INSL6: variants seen among roughly 807,000 people sequenced by gnomAD.
INSL6 encodes insulin like 6.
In INSL6, 16 loss-of-function variants were observed where a neutral mutation model predicts 9.4. That is an observed-to-expected ratio of 1.70 (90% confidence interval 1.15 to 2.59). INSL6 has a LOEUF of 2.59. INSL6 is among the 30% of genes most tolerant of loss of function. INSL6 has a pLI of 0.00. For missense variants in INSL6, 391 were observed against 257.3 expected, an observed-to-expected ratio of 1.52 and a Z score of -3.56; for synonymous variants, 154 against 96.9, an observed-to-expected ratio of 1.59 and a Z score of -3.46.
the INSL6 span, among the ~76,000 whole-genome samples, chr9:5,000,072 G>A: frequency 1.3e-5 from 2 of 151,788 alleles, no homozygotes; most frequent in African/African-American, 4.8e-5. Flanking sequence ...TTTGTGAAAT[G>A]CCTATTTATG....
intron 2 of INSL6, among the ~76,000 whole-genome samples, chr9:5,143,274 C>T (rs1462332293): frequency 1.3e-5 from 2 of 151,556 alleles, no homozygotes; most frequent in African/African-American, 4.9e-5. Context: ...ATGGTACCAG[C>T]TCTTCTTTAT....
At chr9:5,060,108 TG>T in the INSL6 span, among the ~76,000 whole-genome samples, 1 of 152,228 alleles carries the variant, frequency 6.6e-6, no homozygotes, top group East Asian at 1.9e-4. Context: ...CTACTAAGTG[TG>T]CAACAGCATT....
At chr9:5,099,868 G>C in the INSL6 span, 1 of 152,146 alleles carries the variant, frequency 6.6e-6, no homozygotes, top group Non-Finnish European at 1.5e-5. Flanking sequence ...CCTGGGTATA[G>C]CAATCCCCCT....
the INSL6 span, among the ~76,000 whole-genome samples, chr9:5,084,381 A>G: frequency 6.6e-6 from 1 of 152,176 alleles, no homozygotes; most frequent in Non-Finnish European, 1.5e-5. Context: ...CCATTCCTAC[A>G]AAAATGATTG....
chr9:5,172,305 T>C (rs1281969156), intron 1 of INSL6, among the ~76,000 whole-genome samples: 1 of 152,042 alleles, frequency 6.6e-6, no homozygotes, highest in East Asian at 1.9e-4. Context: ...TATAGAAAAA[T>C]TAACTCAAGC....
At chr9:5,091,424 G>T in the INSL6 span, 4 of 152,392 alleles carry the variant, frequency 2.6e-5, no homozygotes, top group African/African-American at 9.7e-5. Context: ...GAATATGATG[G>T]GGTGGTGATC....
the INSL6 span, among the ~76,000 whole-genome samples, chr9:5,083,135 T>C: frequency 6.6e-6 from 1 of 152,202 alleles, no homozygotes; most frequent in Non-Finnish European, 1.5e-5. Context: ...TGTTAAGTGA[T>C]TCAGTGAAAT....
chr9:5,064,783 G>A, the INSL6 span: 1 of 831,172 alleles, frequency 1.2e-6, no homozygotes, highest in Non-Finnish European at 1.8e-6. Context: ...GAGCAATTTA[G>A]AAGAAAATTG....
chr9:5,055,925 A>G, the INSL6 span: 1 of 720,580 alleles, frequency 1.4e-6, no homozygotes, highest in Non-Finnish European at 2.2e-6. Context: ...ACATCAGTTC[A>G]GTAAACTTTT....
the INSL6 span, among the ~76,000 whole-genome samples, chr9:5,024,950 G>A: frequency 1.3e-5 from 2 of 152,164 alleles, no homozygotes; most frequent in Admixed American, 6.5e-5. Context: ...GCTTAACTAG[G>A]GGGAGTGGAG....
chr9:5,039,246 A>G, the INSL6 span, among the ~76,000 whole-genome samples: 1 of 152,146 alleles, frequency 6.6e-6, no homozygotes, highest in Non-Finnish European at 1.5e-5. Flanking sequence ...CATGGGTTTC[A>G]CATCCATGGA....
the INSL6 span, among the ~76,000 whole-genome samples, chr9:4,998,959 C>CTACAGGT: frequency 6.6e-6 from 1 of 150,908 alleles, no homozygotes; most frequent in African/African-American, 2.4e-5. Flanking sequence ...GTAGCTGGGA[C>CTACAGGT]TACAGGTGCC....
At chr9:5,152,795 C>T (rs190287562) in intron 2 of INSL6, among the ~76,000 whole-genome samples, 2 of 152,310 alleles carry the variant, frequency 1.3e-5, no homozygotes, top group East Asian at 1.9e-4. Flanking sequence ...TCGGCAGCTA[C>T]CAGCAAGATC....
At chr9:5,073,317 C>G in the INSL6 span, among the ~76,000 whole-genome samples, 2 of 152,288 alleles carry the variant, frequency 1.3e-5, no homozygotes, top group East Asian at 3.9e-4. Flanking sequence ...ATTCTTAATT[C>G]TTTAGCAAGT....
the INSL6 span, among the ~76,000 whole-genome samples, chr9:4,997,910 G>A: frequency 4.0e-5 from 6 of 151,802 alleles, no homozygotes; most frequent in East Asian, 3.9e-4. Flanking sequence ...TTTATCCATA[G>A]GTGCTTAATT....
the INSL6 span, among the ~76,000 whole-genome samples, chr9:5,052,983 A>AT: frequency 1.3e-5 from 2 of 151,688 alleles, no homozygotes; most frequent in African/African-American, 4.8e-5. Context: ...TTGTGGATGT[A>AT]TTTTTTTCAT....
chr9:5,058,626 C>T, the INSL6 span, among the ~76,000 whole-genome samples: 1 of 152,142 alleles, frequency 6.6e-6, no homozygotes, highest in Non-Finnish European at 1.5e-5. Flanking sequence ...TAGGGAGCCA[C>T]CATGCTGTTT....
the INSL6 span, chr9:5,041,445 G>C: frequency 4.9e-6 from 3 of 616,466 alleles, no homozygotes; most frequent in Non-Finnish European, 9.3e-6. Context: ...CTGTGCAGCA[G>C]CCTCCCCTGG....
chr9:5,052,031 T>C, the INSL6 span, among the ~76,000 whole-genome samples: 1 of 152,094 alleles, frequency 6.6e-6, no homozygotes, highest in African/African-American at 2.4e-5. Flanking sequence ...TGCCAGGCTA[T>C]AGTAGAACAT....
Sources: gnomAD v4.1 joint callset for allele counts (sites outside exome capture counted in the v4.1 genomes callset) on GRCh38, gnomAD v4.1.1 for gene constraint, MANE v1.5 for transcripts, NCBI Gene and HGNC (gene_info 2026-07-23, HGNC 2026-07-21) for gene names.